Variants in PTPRS observed in about 807,000 individuals in gnomAD.
The protein encoded by PTPRS is receptor-type tyrosine-protein phosphatase S.
A neutral mutation model predicts 215.3 loss-of-function variants in PTPRS; 63 were observed. That is an observed-to-expected ratio of 0.29 (90% CI 0.24 to 0.36). The LOEUF (loss-of-function observed/expected upper bound fraction) is 0.36, where lower values mean the gene tolerates loss of function less well. Ranked by LOEUF, PTPRS falls within the 10% of genes least tolerant of loss-of-function variation. The pLI is 1.00. For missense variants in PTPRS, 2,258 were observed against 2,825.8 expected, an observed-to-expected ratio of 0.80 and a Z score of 4.56; for synonymous variants, 1,404 against 1,191.4, an observed-to-expected ratio of 1.18 and a Z score of -3.68.
At chr19:5,251,573 A>C (rs2045083435) in intron 9 of PTPRS, among the ~76,000 whole-genome samples, 1 of 151,544 alleles carries the variant, frequency 6.6e-6, no homozygotes, top group Non-Finnish European at 1.5e-5. Context: ...CCAAATGACA[A>C]GGTGTAATCT....
rs1056474480 is a variant in PTPRS at position 5,237,535 on chromosome 19, G to A, written c.1849+1384C>T. Among the ~76,000 whole-genome samples, 9 of 152,232 alleles carry A rather than the reference G, an allele frequency of 5.9e-5. No homozygotes were observed. Among genetic ancestry groups the A allele is most frequent in the Non-Finnish European group, 1.0e-4 (7 of 68,042 alleles). On this transcript the variant is annotated intron_variant, in intron 13 of 37. Coordinates refer to ENST00000262963, the MANE Select transcript of PTPRS (RefSeq NM_002850.4). The surrounding 1 kb of genome is among the most constrained non-coding windows in gnomAD (Gnocchi z 4.2). ...TGTGCAAAGACGTGGATGTGCGTGCGTGGGCAGCGTGGCATGGTGGTGGCA... is the reference window on the plus strand; with the variant it reads ...TGTGCAAAGACGTGGATGTGCGTGCATGGGCAGCGTGGCATGGTGGTGGCA...
Position 5,237,973 on chromosome 19 carries a change from C to T in PTPRS, c.1849+946G>A, listed in dbSNP as rs1424852367. Among the ~76,000 whole-genome samples, 2 of 152,196 alleles carry T rather than the reference C, an allele frequency of 1.3e-5. No individual in the cohort carries two copies. Among genetic ancestry groups the T allele is most frequent in the Non-Finnish European group, 2.9e-5 (2 of 68,036 alleles). On this transcript the variant is annotated intron_variant, in intron 13 of 37. Transcript: ENST00000262963. The surrounding 1 kb of genome is among the most constrained non-coding windows in gnomAD (Gnocchi z 4.2). ...CGAGATGCCCCTGTGTACACACACC[C>T]AGGGCGGGCCTTGAAGGTTTGACCA...
At chr19:5,302,448 C>T (rs559902151) in intron 1 of PTPRS, among the ~76,000 whole-genome samples, 1 of 152,206 alleles carries the variant, frequency 6.6e-6, no homozygotes, top group East Asian at 1.9e-4. Context: ...TATCGCATAT[C>T]TCTAAGGAAG....
chr19:5,325,534 C>T (rs974837139), intron 1 of PTPRS, among the ~76,000 whole-genome samples: 2 of 152,240 alleles, frequency 1.3e-5, no homozygotes, highest in African/African-American at 4.8e-5. Context: ...TGCCTCCACA[C>T]CACGACGGTT....
chr19:5,330,228 G>T (rs866724778), intron 1 of PTPRS, among the ~76,000 whole-genome samples: 1 of 152,108 alleles, frequency 6.6e-6, no homozygotes, highest in African/African-American at 2.4e-5. Flanking sequence ...GTGTAGAAAC[G>T]ACATCCTGTC....
chr19:5,277,057 G>GTT (rs60512892), intron 2 of PTPRS, among the ~76,000 whole-genome samples: 4,663 of 133,106 alleles, frequency 0.035, 139 homozygotes, highest in African/African-American at 0.077. Context: ...TGAGTTTTGT[G>GTT]TTTTTTTTTT....
rs1261778242 is a variant in PTPRS, at chr19:5,287,228, T to G, written c.-94-994A>C. Among the ~76,000 whole-genome samples, 1 of 152,180 alleles carries G rather than the reference T, an allele frequency of 6.6e-6. No individual in the cohort carries two copies. Among genetic ancestry groups the G allele is most frequent in the East Asian group, 1.9e-4 (1 of 5,192 alleles). ...ACCACATGACAGGTCTCAGCTTAGC[T>G]GTCACTTCCTCAGGAAACCCTTCTC... On this transcript the variant is annotated intron_variant, in intron 1 of 37. Coordinates refer to ENST00000262963, the MANE Select transcript of PTPRS (RefSeq NM_002850.4). The surrounding 1 kb of genome is among the most constrained non-coding windows in gnomAD (Gnocchi z 4.8).
chr19:5,311,633 C>T (rs950779564), intron 1 of PTPRS, among the ~76,000 whole-genome samples: 4 of 152,268 alleles, frequency 2.6e-5, no homozygotes, highest in Admixed American at 1.3e-4. Context: ...AAAGAACATT[C>T]CTGTCTCATC....
In PTPRS at chr19:5,218,856, G is replaced by A. The variant is rs2041726992; in HGVS notation, c.3924-58C>T. 3 of 1,530,262 alleles carry A rather than the reference G, an allele frequency of 2.0e-6. No homozygotes were observed. In the South Asian group the frequency reaches 3.8e-5, roughly 19 times the overall value. The allele number at this position is 1,530,262 out of a possible 1,614,324, so 94.8% of individuals were successfully genotyped here. On this transcript the variant is annotated intron_variant, in intron 23 of 37. Coordinates refer to ENST00000262963, the MANE Select transcript of PTPRS (RefSeq NM_002850.4). ...GGAAAAAAAGAAGAAAGGTGAGGGTGTGCCGGCCATCAAGGGCTTGTTCTG... is the reference window on the plus strand; with the variant it reads ...GGAAAAAAAGAAGAAAGGTGAGGGTATGCCGGCCATCAAGGGCTTGTTCTG...
rs1293606763 is a variant in PTPRS at position 5,211,976 on chromosome 19, G to A, written c.5044C>T (p.Leu1682Phe). The A allele has an allele frequency of 6.2e-7, 1 of 1,604,836 alleles. No homozygotes were observed. Among genetic ancestry groups the A allele is most frequent in the Admixed American group, 1.7e-5 (1 of 59,406 alleles). Reference sequence around the variant, plus strand: ...CACCCCGCTGGCACCTTGAACTCGAGTTCCATGCCAGTGACGTGTTCGCCA... The same window carrying A: ...CACCCCGCTGGCACCTTGAACTCGAATTCCATGCCAGTGACGTGTTCGCCA... ...EPGEHVTGMELEFKRLANSKA... is the reference protein window; with the variant it reads ...EPGEHVTGMEFEFKRLANSKA... Residue 1682 changes from leucine (L) to phenylalanine (F), a missense_variant, in exon 32 of 38, where the codon CTC (leucine) becomes TTC (phenylalanine). Coordinates refer to ENST00000262963, the MANE Select transcript of PTPRS (RefSeq NM_002850.4).
At chr19:5,225,666 G>T (rs1290751880) in intron 17 of PTPRS, 61 bp downstream of exon 17, 3 of 1,402,706 alleles carry the variant, frequency 2.1e-6, no homozygotes, top group East Asian at 2.3e-5. Flanking sequence ...CTGGAGTCAC[G>T]CTCTGGTGCC....
chr19:5,219,064 C>T, intron 23 of PTPRS: 1 of 647,630 alleles, frequency 1.5e-6, no homozygotes, highest in Non-Finnish European at 2.6e-6. Flanking sequence ...CAGCCTCTAC[C>T]CCAAATCTTG....
intron 18 of PTPRS, among the ~76,000 whole-genome samples, chr19:5,222,467 GGAGGGGAGC>G (rs2042073461): frequency 6.6e-6 from 1 of 151,186 alleles, no homozygotes; most frequent in Non-Finnish European, 1.5e-5. Context: ...GGAAGAGGGG[GGAGGGGAGC>G]AAGGGGAGGG....
intron 30 of PTPRS, 132 bp from the exon 31 acceptor site, chr19:5,212,623 C>T: frequency 9.6e-7 from 1 of 1,037,996 alleles, no homozygotes; most frequent in East Asian, 2.6e-5. Flanking sequence ...GTGGGCGGAT[C>T]ACCTGAGGTC....
chr19:5,309,948 C>T (rs1328979470), intron 1 of PTPRS, among the ~76,000 whole-genome samples: 1 of 152,198 alleles, frequency 6.6e-6, no homozygotes, highest in Non-Finnish European at 1.5e-5. Context: ...CCTCCTTTGC[C>T]CATAGCCCTC....
At chr19:5,304,039 C>T (rs1176985901) in intron 1 of PTPRS, among the ~76,000 whole-genome samples, 1 of 152,076 alleles carries the variant, frequency 6.6e-6, no homozygotes, top group African/African-American at 2.4e-5. Flanking sequence ...GAAAAACTGT[C>T]ACACCCCAGT....
chr19:5,338,101 C>T lies in PTPRS; in HGVS notation c.-95+2563G>A, dbSNP rs1304917381. On this transcript the variant is annotated intron_variant, in intron 1 of 37. Transcript: ENST00000262963. The surrounding 1 kb of genome is among the most constrained non-coding windows in gnomAD (Gnocchi z 4.2). Reference sequence around the variant, plus strand: ...CGCCAAAATGACCTGTCACCCATCTCCCGCGGGGAGTGGGGAGCGGGCCAG... The same window carrying T: ...CGCCAAAATGACCTGTCACCCATCTTCCGCGGGGAGTGGGGAGCGGGCCAG... Among the ~76,000 whole-genome samples, 10 of 141,708 alleles carry T rather than the reference C, an allele frequency of 7.1e-5. No individual in the cohort carries two copies. Among genetic ancestry groups the T allele is most frequent in the Admixed American group, 6.9e-4 (10 of 14,390 alleles). 93.0% of individuals were successfully genotyped at this position (141,708 alleles called of 152,430 possible). A position where few individuals can be genotyped will look rare whatever the true frequency, so the allele number is the denominator to read the frequency against.
chr19:5,215,812 C>A (rs949411588), intron 26 of PTPRS, among the ~76,000 whole-genome samples: 1 of 152,052 alleles, frequency 6.6e-6, no homozygotes, highest in Non-Finnish European at 1.5e-5. Flanking sequence ...AGGTTTGAGG[C>A]CCTCTGCTCC....
chr19:5,208,391 C>T lies in PTPRS; in HGVS notation c.5488G>A (p.Asp1830Asn). 1 of 1,585,470 alleles carries T rather than the reference C, an allele frequency of 6.3e-7. No individual in the cohort carries two copies. Residue 1830 changes from aspartate to asparagine, a missense_variant and splice_region_variant, in exon 36 of 38, where the codon GAT (aspartate) becomes AAT (asparagine). Physicochemically the swap from Asp to Asn is conservative, Grantham distance 23 (BLOSUM62 1). Coordinates refer to ENST00000262963, the MANE Select transcript of PTPRS (RefSeq NM_002850.4). ...LREFKVTDARDGQSRTVRQFQ... is the reference protein window; with the variant it reads ...LREFKVTDARNGQSRTVRQFQ... ...TGCCGGACAGTCCGGGACTGGCCAT[C>T]CTAGAGTGCAGAGAGCCCAATCTTG...
Sources: allele counts gnomAD v4.1 joint callset (sites outside exome capture counted in the v4.1 genomes callset), GRCh38; gene constraint gnomAD v4.1.1; non-coding constraint Gnocchi (gnomAD v3.1); transcripts MANE v1.5; gene names NCBI Gene and HGNC (gene_info 2026-07-23, HGNC 2026-07-21).